APBA2: variants seen among roughly 807,000 people sequenced by gnomAD.
APBA2 encodes the protein amyloid beta precursor protein binding family A member 2, also known as amyloid-beta A4 precursor protein-binding family A member 2.
A neutral mutation model predicts 75.0 loss-of-function variants in APBA2; 30 were observed. The observed-to-expected ratio is 0.40, with a 90% CI of 0.30 to 0.54. APBA2 has a LOEUF of 0.54. Among genes scored for constraint, APBA2 ranks in the 20% least tolerant of loss-of-function variants. APBA2 has a pLI of 0.49. For missense variants in APBA2, 801 were observed against 1,016.1 expected (o/e 0.79, Z 2.88); for synonymous variants, 444 against 409.6 (o/e 1.08, Z -1.01).
intron 2 of APBA2, among the ~76,000 whole-genome samples, chr15:28,933,930 G>C (rs967149603): frequency 4.7e-4 from 72 of 152,200 alleles, no homozygotes; most frequent in African/African-American, 1.7e-3. Flanking sequence ...AAGTGACTGT[G>C]TGCCGAGGCT....
intron 1 of APBA2, among the ~76,000 whole-genome samples, chr15:28,887,999 G>T (rs1257690411): frequency 3.3e-5 from 5 of 152,162 alleles, no homozygotes. Context: ...CAGGAGAGTT[G>T]GGTGGGCGCT....
At chr15:28,980,640 GCT>G (rs556262093) in intron 2 of APBA2, among the ~76,000 whole-genome samples, 26 of 152,176 alleles carry the variant, frequency 1.7e-4, no homozygotes, top group South Asian at 4.1e-4. Flanking sequence ...CAGATTCAGT[GCT>G]CTTCCTATCA....
In APBA2 at chr15:29,022,902, G is replaced by A. The variant is rs183242468; in HGVS notation, c.-41+27096G>A. 7.9e-4 allele frequency among the ~76,000 whole-genome samples: 120 copies of A among 151,798 alleles called. 2 individuals are homozygous for A. Among genetic ancestry groups the A allele is most frequent in the East Asian group, 5.8e-4 (3 of 5,178 alleles). ...AGTGTATTTTTTTCTTGAAAGTTTT[G>A]TACACTTTTGTTATGTTCTTTCCCT... On this transcript the variant is annotated intron_variant, in intron 3 of 14. Transcript: ENST00000683413.
At chr15:29,021,658 A>G (rs1274499060) in intron 3 of APBA2, among the ~76,000 whole-genome samples, 2 of 152,204 alleles carry the variant, frequency 1.3e-5, no homozygotes, top group Non-Finnish European at 2.9e-5. Flanking sequence ...TGAGAAACTC[A>G]ACAGAAGATC....
In APBA2 at chr15:29,054,029, G is replaced by C. The variant is rs1429363644; in HGVS notation, c.145G>C (p.Ala49Pro). 6.2e-7 allele frequency: 1 copy of C among 1,613,842 alleles called. No homozygotes were observed. The highest frequency in any genetic ancestry group is 8.5e-7 in the Non-Finnish European group (1 of 1,180,018). The change falls in exon 4 of 15, where the codon GCT becomes CCT. Residue 49 changes from alanine to proline, a missense_variant. Transcript: ENST00000683413. The surrounding 1 kb of genome is among the most constrained non-coding windows in gnomAD (Gnocchi z 6.1). The part of the protein sequence containing the change: ...EGYVPEGLEL[A>P]ALRPESPAPE... The stretch of plus-strand genomic sequence containing the variant: ...CTATGTGCCCGAGGGCCTGGAGCTG[G>C]CTGCCCTGCGGCCAGAGAGCCCCGC...
intron 2 of APBA2, among the ~76,000 whole-genome samples, chr15:28,961,944 TG>T (rs1489427100): frequency 1.2e-4 from 18 of 152,332 alleles, no homozygotes; most frequent in Admixed American, 2.6e-4. Flanking sequence ...TTATCCATTT[TG>T]TGGTCACCCA....
chr15:28,969,172 CTTTCTTTCTTTT>C, intron 2 of APBA2, among the ~76,000 whole-genome samples: 2 of 97,896 alleles, frequency 2.0e-5, no homozygotes, highest in Middle Eastern at 9.3e-3. Context: ...TTCTTTCTTT[CTTTCTTTCTTTT>C]TTTTATTTTT....
At chr15:29,065,567 CAT>C (rs1185066586) in intron 4 of APBA2, among the ~76,000 whole-genome samples, 2 of 152,270 alleles carry the variant, frequency 1.3e-5, no homozygotes, top group Non-Finnish European at 2.9e-5. Context: ...ACAACTCAGA[CAT>C]GTGGAGAAAG....
intron 2 of APBA2, among the ~76,000 whole-genome samples, chr15:28,974,238 A>G (rs1185949058): frequency 6.6e-6 from 1 of 152,194 alleles, no homozygotes; most frequent in Non-Finnish European, 1.5e-5. Context: ...AATGGAAACA[A>G]AGAGGGCCGC....
chr15:28,969,082 G>A (rs918681511), intron 2 of APBA2, among the ~76,000 whole-genome samples: 2 of 149,566 alleles, frequency 1.3e-5, no homozygotes, highest in African/African-American at 2.5e-5. Flanking sequence ...ATCAGTCTGC[G>A]CAACATAGGG....
At chr15:28,920,580 C>G (rs1024058898) in intron 1 of APBA2, among the ~76,000 whole-genome samples, 1 of 152,088 alleles carries the variant, frequency 6.6e-6, no homozygotes, top group African/African-American at 2.4e-5. Context: ...AGAGTGGGCC[C>G]GTGGAGTGGG....
At chr15:29,106,936 GC>G in intron 12 of APBA2, 117 bp downstream of exon 12, 1 of 990,206 alleles carries the variant, frequency 1.0e-6, no homozygotes, top group Non-Finnish European at 1.5e-6. Flanking sequence ...GGAAACTGAG[GC>G]CCAGGGAGAC....
At chr15:29,082,369 G>T (rs1211794419) in intron 6 of APBA2, among the ~76,000 whole-genome samples, 1 of 152,160 alleles carries the variant, frequency 6.6e-6, no homozygotes, top group Non-Finnish European at 1.5e-5. Flanking sequence ...CTACCTTTTT[G>T]TGTGTGTGGT....
At chr15:29,110,177 C>G (rs1018352862) in intron 13 of APBA2, among the ~76,000 whole-genome samples, 1 of 152,222 alleles carries the variant, frequency 6.6e-6, no homozygotes, top group African/African-American at 2.4e-5. Context: ...GGCTACTGCA[C>G]CCCCGACCAT....
rs368844311 is a variant in APBA2, at chr15:28,895,891, C to T, written c.-205+9613C>T. ...CTTTGGGAAGCCGAGGAGGGAGGCT[C>T]GCTTAAGCCCAGGAGTTTGAGACCA... On this transcript the variant is annotated intron_variant, in intron 1 of 14. Transcript: ENST00000683413. Among the ~76,000 whole-genome samples the T allele has an allele frequency of 1.1e-3, 160 of 152,198 alleles. 2 individuals are homozygous for T. Among genetic ancestry groups the T allele is most frequent in the Non-Finnish European group, 4.9e-4 (33 of 68,024 alleles).
At chr15:28,965,694 A>G (rs1450555499) in intron 2 of APBA2, among the ~76,000 whole-genome samples, 1 of 152,194 alleles carries the variant, frequency 6.6e-6, no homozygotes, top group Non-Finnish European at 1.5e-5. Context: ...TTTGTTAGAT[A>G]TATTCATAAG....
At chr15:28,902,827 T>A (rs2032938041) in intron 1 of APBA2, among the ~76,000 whole-genome samples, 1 of 152,134 alleles carries the variant, frequency 6.6e-6, no homozygotes. Context: ...CCCCCATCTG[T>A]CTCAGGACCC....
chr15:28,909,303 A>T (rs143099703), intron 1 of APBA2, among the ~76,000 whole-genome samples: 27,506 of 152,030 alleles, frequency 0.18, 7,956 homozygotes, highest in African/African-American at 0.61. Context: ...ACCATTCTAC[A>T]TTCTGTCTCT....
At chr15:28,987,322 A>T (rs2037975393) in intron 2 of APBA2, among the ~76,000 whole-genome samples, 1 of 152,144 alleles carries the variant, frequency 6.6e-6, no homozygotes. Context: ...TGGGCCAGGA[A>T]TATGGAAGCA....
Sources: allele counts gnomAD v4.1 joint callset (sites outside exome capture counted in the v4.1 genomes callset), GRCh38; gene constraint gnomAD v4.1.1; non-coding constraint Gnocchi (gnomAD v3.1); transcripts MANE v1.5; gene names NCBI Gene and HGNC (gene_info 2026-07-23, HGNC 2026-07-21).